Variants in RBPMS observed in about 807,000 individuals in gnomAD.
RBPMS encodes the protein RNA-binding protein with multiple splicing.
Under a neutral mutation model 26.8 loss-of-function variants are expected in RBPMS, and 7 were observed. The observed-to-expected ratio is 0.26, with a 90% confidence interval of 0.15 to 0.49. The LOEUF is 0.49. Among genes scored for constraint, RBPMS ranks in the 20% least tolerant of loss-of-function variants. The probability of loss-of-function intolerance (pLI) is 0.98; values close to 1 mark genes in which losing one functional copy is unlikely to be tolerated. For missense variants in RBPMS, 186 were observed against 250.0 expected, an observed-to-expected ratio of 0.74 and a Z score of 1.73; for synonymous variants, 96 against 93.3, an observed-to-expected ratio of 1.03 and a Z score of -0.17.
chr8:30,439,231 T>G (rs996307289), intron 1 of RBPMS, among the ~76,000 whole-genome samples: 1 of 152,128 alleles, frequency 6.6e-6, no homozygotes, highest in African/African-American at 2.4e-5. Context: ...AGATAAACTT[T>G]GTGTGTGCTC....
intron 1 of RBPMS, among the ~76,000 whole-genome samples, chr8:30,392,449 C>T (rs190883210): frequency 5.3e-4 from 81 of 152,202 alleles, no homozygotes; most frequent in African/African-American, 1.8e-3. Context: ...CACTGGCCCA[C>T]AGTGGGTGGA....
At chr8:30,552,653 G>A (rs1463282246) in intron 6 of RBPMS, 4 of 152,224 alleles carry the variant, frequency 2.6e-5, no homozygotes, top group Non-Finnish European at 4.4e-5. Flanking sequence ...CTGACACAGG[G>A]TGTTACATGC....
intron 5 of RBPMS, among the ~76,000 whole-genome samples, chr8:30,529,506 AAAAAG>A (rs767871370): frequency 4.5e-4 from 68 of 151,980 alleles, no homozygotes; most frequent in South Asian, 1.0e-3. Flanking sequence ...CCACCTAAAA[AAAAAG>A]AAAAGACAAA....
At chr8:30,509,892 TAA>T (rs1821407502) in intron 5 of RBPMS, among the ~76,000 whole-genome samples, 1 of 152,120 alleles carries the variant, frequency 6.6e-6, no homozygotes, top group Non-Finnish European at 1.5e-5. Context: ...AGCAAAAAAA[TAA>T]AAGTCATTAA....
At chr8:30,390,920 G>T (rs989575463) in intron 1 of RBPMS, among the ~76,000 whole-genome samples, 1 of 152,176 alleles carries the variant, frequency 6.6e-6, no homozygotes, top group Non-Finnish European at 1.5e-5. Context: ...TGGTGATTAT[G>T]AGTTTGTACA....
At chr8:30,557,843 C>T (rs969718436) in intron 6 of RBPMS, among the ~76,000 whole-genome samples, 5 of 152,192 alleles carry the variant, frequency 3.3e-5, no homozygotes, top group Non-Finnish European at 1.5e-5. Flanking sequence ...AGACAAACGG[C>T]GCTTGCCCTT....
intron 2 of RBPMS, 110 bp from the exon 3 acceptor site, chr8:30,477,689 G>C (rs942013501): frequency 4.1e-6 from 3 of 739,164 alleles, no homozygotes; most frequent in Non-Finnish European, 7.1e-6. Context: ...GATAACTTAG[G>C]AGACATTTGT....
intron 7 of RBPMS, among the ~76,000 whole-genome samples, chr8:30,560,368 A>G (rs1258346651): frequency 1.3e-5 from 2 of 152,120 alleles, no homozygotes; most frequent in Non-Finnish European, 2.9e-5. Flanking sequence ...CAGTAGAGAG[A>G]TGAGTAATGG....
intron 5 of RBPMS, 41 bp from the exon 6 acceptor site, chr8:30,544,453 G>C: frequency 6.3e-7 from 1 of 1,595,052 alleles, no homozygotes; most frequent in Non-Finnish European, 8.6e-7. Flanking sequence ...GAAACTAGCT[G>C]TATGGTAACC....
At chr8:30,467,744 G>A (rs1217400892) in intron 1 of RBPMS, among the ~76,000 whole-genome samples, 1 of 152,160 alleles carries the variant, frequency 6.6e-6, no homozygotes. Flanking sequence ...TGTCCCTGAG[G>A]ATCAAGGACA....
chr8:30,480,847 A>G (rs1818200368), intron 4 of RBPMS, among the ~76,000 whole-genome samples: 1 of 152,246 alleles, frequency 6.6e-6, no homozygotes, highest in South Asian at 2.1e-4. Flanking sequence ...ACCAGGTGGG[A>G]ACCTTCTAAA....
chr8:30,549,584 T>G, intron 6 of RBPMS: 1 of 1,613,252 alleles, frequency 6.2e-7, no homozygotes, highest in Non-Finnish European at 8.5e-7. Context: ...GTTTCCTGTT[T>G]GGTGAGGCTT....
At chr8:30,568,246 C>G (rs1237217955) in intron 8 of RBPMS, among the ~76,000 whole-genome samples, 1 of 152,174 alleles carries the variant, frequency 6.6e-6, no homozygotes, top group Non-Finnish European at 1.5e-5. Flanking sequence ...CATTCCTTAT[C>G]TGACTTGGTA....
intron 1 of RBPMS, among the ~76,000 whole-genome samples, chr8:30,385,745 G>A (rs955128746): frequency 6.6e-6 from 1 of 152,168 alleles, no homozygotes; most frequent in African/African-American, 2.4e-5. Flanking sequence ...TTTAGGGGCC[G>A]TGCAGCTGAG....
intron 5 of RBPMS, among the ~76,000 whole-genome samples, chr8:30,515,344 T>A (rs563613173): frequency 1.3e-5 from 2 of 152,306 alleles, no homozygotes; most frequent in Admixed American, 6.5e-5. Context: ...ATCCAAGACA[T>A]CTTTAATAAC....
intron 2 of RBPMS, among the ~76,000 whole-genome samples, chr8:30,477,549 G>GA (rs994390545): frequency 2.7e-4 from 40 of 149,536 alleles, no homozygotes; most frequent in East Asian, 7.8e-4. Flanking sequence ...GTAATTTCAT[G>GA]AAAAAAAAAT....
intron 1 of RBPMS, among the ~76,000 whole-genome samples, chr8:30,457,974 G>A (rs1305733260): frequency 1.3e-5 from 2 of 152,114 alleles, no homozygotes; most frequent in East Asian, 3.8e-4. Flanking sequence ...AGTATTTGTG[G>A]GGGGATCGGT....
At chr8:30,439,790 T>C (rs897916478) in intron 1 of RBPMS, among the ~76,000 whole-genome samples, 4 of 152,144 alleles carry the variant, frequency 2.6e-5, no homozygotes, top group African/African-American at 9.7e-5. Flanking sequence ...TAGGTATGAA[T>C]ATAGACATGT....
At chr8:30,388,199 G>C (rs1439900685) in intron 1 of RBPMS, among the ~76,000 whole-genome samples, 1 of 151,904 alleles carries the variant, frequency 6.6e-6, no homozygotes, top group East Asian at 1.9e-4. Context: ...TTTAAGGTTT[G>C]TTTATATATG....
Sources: allele counts gnomAD v4.1 joint callset (sites outside exome capture counted in the v4.1 genomes callset), GRCh38; gene constraint gnomAD v4.1.1; transcripts MANE v1.5; gene names NCBI Gene and HGNC (gene_info 2026-07-23, HGNC 2026-07-21).